Variants in FRAS1 observed in about 807,000 individuals in gnomAD.
The protein encoded by FRAS1 is extracellular matrix organizing protein FRAS1.
Under a neutral mutation model 435.2 loss-of-function variants are expected in FRAS1, and 290 were observed. The ratio of observed to expected loss-of-function variants is 0.67; its 90% CI spans 0.61 to 0.73. The LOEUF (loss-of-function observed/expected upper bound fraction) is 0.73. Ranked by LOEUF, FRAS1 falls within the 30% of genes least tolerant of loss-of-function variation. FRAS1 has a pLI of 0.00. For synonymous variants in FRAS1, 1,800 were observed against 1,851.0 expected, an observed-to-expected ratio of 0.97 and a Z score of 0.71; for missense variants, 4,860 against 5,001.5, an observed-to-expected ratio of 0.97 and a Z score of 0.85.
At chr4:78,252,682 G>A in intron 5 of FRAS1, 131 bp downstream of exon 5, 2 of 909,222 alleles carry the variant, frequency 2.2e-6, no homozygotes, top group Non-Finnish European at 3.3e-6. Context: ...CTGAGAAATA[G>A]AAAGAGTACA....
chr4:78,473,127 C>T (rs1432680109), intron 52 of FRAS1, among the ~76,000 whole-genome samples: 1 of 152,064 alleles, frequency 6.6e-6, no homozygotes, highest in Non-Finnish European at 1.5e-5. Context: ...TAGGATTTGC[C>T]ATCAACATTC....
intron 38 of FRAS1, among the ~76,000 whole-genome samples, chr4:78,436,332 A>G (rs762708414): frequency 2.0e-5 from 3 of 152,212 alleles, no homozygotes; most frequent in Non-Finnish European, 2.9e-5. Flanking sequence ...AAGTGTGAGG[A>G]AGACAATGGA....
chr4:78,268,307 T>C (rs1726477024), intron 9 of FRAS1, among the ~76,000 whole-genome samples: 1 of 152,220 alleles, frequency 6.6e-6, no homozygotes, highest in Non-Finnish European at 1.5e-5. Context: ...CTTTCAGACA[T>C]GGCTGTCATC....
intron 54 of FRAS1, among the ~76,000 whole-genome samples, chr4:78,477,210 A>G (rs1719878095): frequency 6.6e-6 from 1 of 152,204 alleles, no homozygotes; most frequent in African/African-American, 2.4e-5. Flanking sequence ...ATTCTATGTC[A>G]ATTTTAATTG....
intron 48 of FRAS1, 31 bp downstream of exon 48, chr4:78,464,176 A>G (rs1214271268): frequency 6.3e-6 from 10 of 1,591,172 alleles, no homozygotes; most frequent in African/African-American, 1.4e-5. Context: ...CATCCTTGAA[A>G]AGTATTGATT....
chr4:78,333,309 C>G lies in FRAS1; in HGVS notation c.2175C>G (p.Ser725Arg). 1.2e-6 allele frequency: 2 copies of G among 1,611,556 alleles called. No individual in the cohort carries two copies. The highest frequency in any genetic ancestry group is 8.5e-7 in the Non-Finnish European group (1 of 1,178,866). ...CCTGTTTCAGATGTGCAGGGAAAAG[C>G]CCACATAACTGCACAGACTGTGGGC... ...HQSCFRCAGK[S>R]PHNCTDCGPS... Residue 725 changes from serine (S) to arginine (R), a missense_variant, in exon 19 of 74, where the codon AGC becomes AGG. By Grantham distance (110) the Ser-to-Arg change is moderately radical (BLOSUM62 -1). Coordinates refer to ENST00000512123, the MANE Select transcript of FRAS1 (RefSeq NM_025074.7).
chr4:78,330,317 A>T (rs1251410037), intron 18 of FRAS1, among the ~76,000 whole-genome samples: 1 of 152,214 alleles, frequency 6.6e-6, no homozygotes, highest in Non-Finnish European at 1.5e-5. Flanking sequence ...AGGAGGATGT[A>T]TGTTGCCTAA....
In FRAS1 at chr4:78,258,282, A is replaced by G. The variant is rs1285136137; in HGVS notation, c.603+2907A>G. ...CTTGAGCCTGGGAGGTTGAGGCTGC[A>G]GTGAGCCGTGATCATGTCACTGCAC... On this transcript the variant is annotated intron_variant, in intron 6 of 73. Transcript: ENST00000512123. 2.0e-5 allele frequency among the ~76,000 whole-genome samples: 3 copies of G among 151,556 alleles called. No individual in the cohort carries two copies. The East Asian group carries it at 5.8e-4, about 29-fold the overall frequency.
At chr4:78,112,112 C>T (rs981566353) in intron 2 of FRAS1, among the ~76,000 whole-genome samples, 1 of 151,880 alleles carries the variant, frequency 6.6e-6, no homozygotes, top group Non-Finnish European at 1.5e-5. Flanking sequence ...CTGTATTTTT[C>T]ATATCATGAA....
Position 78,438,560 on chromosome 4 carries a change from G to T in FRAS1, c.5218-10G>T. 1 of 1,613,648 alleles carries T rather than the reference G, an allele frequency of 6.2e-7. No homozygotes were observed. Among genetic ancestry groups the T allele is most frequent in the Non-Finnish European group, 8.5e-7 (1 of 1,179,722 alleles). The stretch of plus-strand genomic sequence containing the variant: ...TGCGTTCATGTCCTGCCTCATGTTT[G>T]CCTCATTAGGATGATTCTTCCCCCG... On this transcript the variant is annotated splice_polypyrimidine_tract_variant and intron_variant, in intron 38 of 73. Coordinates refer to ENST00000512123, the MANE Select transcript of FRAS1 (RefSeq NM_025074.7).
intron 19 of FRAS1, 86 bp from the exon 20 acceptor site, chr4:78,337,588 A>T: frequency 7.0e-7 from 1 of 1,438,206 alleles, no homozygotes; most frequent in Non-Finnish European, 9.6e-7. Context: ...GTCTGCTTTT[A>T]ATGTAATTTG....
intron 2 of FRAS1, among the ~76,000 whole-genome samples, chr4:78,163,484 G>A (rs1578161249): frequency 6.6e-6 from 1 of 152,078 alleles, no homozygotes; most frequent in East Asian, 1.9e-4. Context: ...ATTTAAAATG[G>A]TTTTATTAGT....
At chr4:78,245,425 C>A in intron 4 of FRAS1, 100 bp downstream of exon 4, 1 of 851,038 alleles carries the variant, frequency 1.2e-6, no homozygotes, top group Non-Finnish European at 1.9e-6. Context: ...TTTTTCTTTG[C>A]CTGGATTGTG....
chr4:78,112,874 C>T (rs771092174), intron 2 of FRAS1, among the ~76,000 whole-genome samples: 8 of 151,798 alleles, frequency 5.3e-5, no homozygotes, highest in Admixed American at 2.6e-4. Context: ...ATGTGCACAA[C>T]GTGCAGGTTT....
rs112149675 is a variant in FRAS1 at position 78,344,586 on chromosome 4, A to ATTTTT, written c.2422+6778_2422+6782dup. Among the ~76,000 whole-genome samples the ATTTTT allele has an allele frequency of 4.9e-3, 700 of 141,716 alleles. 9 individuals carry two copies. Among genetic ancestry groups the ATTTTT allele is most frequent in the African/African-American group, 0.016 (623 of 37,926 alleles). 93.0% of individuals were successfully genotyped at this position (141,716 alleles called of 152,430 possible). ...TGCACACAATCGGGGCTCAAGAATG[A>ATTTTT]TTTTTTTTTTTTTGGTTGGTGAATT... On this transcript the variant is annotated intron_variant, in intron 20 of 73. Transcript: ENST00000512123.
intron 18 of FRAS1, among the ~76,000 whole-genome samples, chr4:78,324,708 CTTTTT>C (rs139942839): frequency 1.1e-4 from 10 of 88,094 alleles, no homozygotes; most frequent in African/African-American, 1.7e-4. Context: ...GCTCAGATTC[CTTTTT>C]TTTTTTTTTT....
rs886059625 is a variant in FRAS1, at chr4:78,058,090, G to A, written c.76+5G>A. 2.0e-5 allele frequency: 32 copies of A among 1,612,932 alleles called. No homozygotes were observed. The highest frequency in any genetic ancestry group is 2.7e-5 in the Non-Finnish European group (32 of 1,179,522). Reference sequence around the variant, plus strand: ...TATTGCCTCATCATTCCGAAGGTGAGAGAGCGGTGCCGCGTGTGTGTGTGT... The same window carrying A: ...TATTGCCTCATCATTCCGAAGGTGAAAGAGCGGTGCCGCGTGTGTGTGTGT... On this transcript the variant is annotated splice_donor_5th_base_variant and intron_variant, in intron 1 of 73. Coordinates refer to ENST00000512123, the MANE Select transcript of FRAS1 (RefSeq NM_025074.7).
At chr4:78,488,775 C>G in intron 58 of FRAS1, 100 bp from the exon 59 acceptor site, 1 of 1,069,334 alleles carries the variant, frequency 9.4e-7, no homozygotes, top group Non-Finnish European at 1.4e-6. Context: ...TTTGGTGGAG[C>G]TCACCTGCCA....
At chr4:78,310,907 C>G (rs1053192234) in intron 15 of FRAS1, among the ~76,000 whole-genome samples, 3 of 152,188 alleles carry the variant, frequency 2.0e-5, no homozygotes, top group South Asian at 2.1e-4. Flanking sequence ...AAGTCAAGTA[C>G]TTAGAAAAAA....
Sources: gnomAD v4.1 joint callset for allele counts (sites outside exome capture counted in the v4.1 genomes callset) on GRCh38, gnomAD v4.1.1 for gene constraint, MANE v1.5 for transcripts, NCBI Gene and HGNC (gene_info 2026-07-23, HGNC 2026-07-21) for gene names.